PI4KA: variants seen among roughly 807,000 people sequenced by gnomAD.
PI4KA encodes PI4-kinase alpha.
A neutral mutation model predicts 271.4 loss-of-function variants in PI4KA; 122 were observed. That is an observed-to-expected ratio of 0.45 (90% confidence interval 0.39 to 0.52). PI4KA has a LOEUF of 0.52. Ranked by LOEUF, PI4KA falls within the 20% of genes least tolerant of loss-of-function variation. The pLI, the probability that PI4KA is intolerant of heterozygous loss-of-function variation, is 0.00. For missense variants in PI4KA, 1,969 were observed against 2,769.1 expected (o/e 0.71, Z 6.48); for synonymous variants, 1,041 against 1,078.8 (o/e 0.96, Z 0.69).
intron 23 of PI4KA, among the ~76,000 whole-genome samples, chr22:20,757,018 G>C (rs1020180143): frequency 6.6e-6 from 1 of 152,190 alleles, no homozygotes; most frequent in East Asian, 1.9e-4. Context: ...TGACTCACAG[G>C]ATGGTGGGCA....
intron 9 of PI4KA, among the ~76,000 whole-genome samples, chr22:20,810,215 C>T (rs1157184114): frequency 6.6e-6 from 1 of 152,020 alleles, no homozygotes; most frequent in Non-Finnish European, 1.5e-5. Flanking sequence ...ACATTAAAGA[C>T]AAGAGTTCCA....
chr22:20,723,222 G>A (rs762244714), intron 42 of PI4KA, among the ~76,000 whole-genome samples: 9 of 151,456 alleles, frequency 5.9e-5, no homozygotes, highest in East Asian at 2.0e-4. Context: ...GGGTTTCACC[G>A]TGTTAGCCAG....
intron 1 of PI4KA, among the ~76,000 whole-genome samples, chr22:20,851,564 C>T (rs190883004): frequency 3.1e-4 from 47 of 152,260 alleles, no homozygotes; most frequent in Middle Eastern, 3.4e-3. Flanking sequence ...TCTCGAACTC[C>T]TGACCTCAGG....
chr22:20,742,718 T>C lies in PI4KA; in HGVS notation c.3503A>G (p.Asp1168Gly). The change falls in exon 31 of 55, where the codon GAC becomes GGC. Residue 1168 changes from aspartate to glycine, a missense_variant. Asp to Gly is a moderately conservative substitution (Grantham distance 94). Around this residue, in one of 13 missense-constraint regions of PI4KA, gnomAD observed 203 missense variants for 256.8 expected, o/e 0.79. Transcript: ENST00000255882. ...RFSGTTGQMS[D>G]LNKMMVQDLH... ...ATCCTGGACCATCATTTTGTTCAGG[T>C]CAGACATCTGGCCTGTGGTGCCTGA... 1.2e-6 allele frequency: 2 copies of C among 1,613,720 alleles called. No homozygotes were observed. The highest frequency in any genetic ancestry group is 1.7e-5 in the Admixed American group (1 of 60,014).
rs1432559507 is a variant in PI4KA at position 20,727,844 on chromosome 22, A to G, written c.4703T>C (p.Ile1568Thr). 1.2e-6 allele frequency: 2 copies of G among 1,613,968 alleles called. No individual in the cohort carries two copies. The highest frequency in any genetic ancestry group is 1.7e-6 in the Non-Finnish European group (2 of 1,179,878). ...AACGAGACGGGTCACTTCGTTCCCA[A>G]TGGCTTCTGTGTTCTTAAACCTACA... ...LPARFKNTEA[I>T]GNEVTRLVRL... Residue 1568 changes from isoleucine (I) to threonine (T), a missense_variant, in exon 40 of 55, where the codon ATT becomes ACT. Physicochemically the swap from Ile to Thr is moderately conservative, Grantham distance 89. This residue lies in a region of PI4KA where 388 missense variants were observed against 521.5 expected (regional missense o/e 0.74). Coordinates refer to ENST00000255882, the MANE Select transcript of PI4KA (RefSeq NM_058004.4).
intron 19 of PI4KA, among the ~76,000 whole-genome samples, chr22:20,775,948 G>A (rs151037998): frequency 2.6e-5 from 4 of 152,330 alleles, no homozygotes; most frequent in Non-Finnish European, 5.9e-5. Flanking sequence ...TATGTAAAAT[G>A]CTGGGAGGAT....
At chr22:20,723,035 C>CTT (rs201708519) in intron 42 of PI4KA, among the ~76,000 whole-genome samples, 1 of 145,496 alleles carries the variant, frequency 6.9e-6, no homozygotes, top group Non-Finnish European at 1.5e-5. Context: ...TTTACTGTTC[C>CTT]TTTTTTTTTT....
At chr22:20,714,017 T>G (rs1925665218) in intron 47 of PI4KA, among the ~76,000 whole-genome samples, 1 of 151,890 alleles carries the variant, frequency 6.6e-6, no homozygotes, top group Non-Finnish European at 1.5e-5. Context: ...GAGATGGGAG[T>G]GGAGCATCTG....
chr22:20,753,696 CTT>C (rs946618152), intron 23 of PI4KA, among the ~76,000 whole-genome samples: 2 of 151,844 alleles, frequency 1.3e-5, no homozygotes, highest in African/African-American at 4.8e-5. Flanking sequence ...TTTTCTTTCT[CTT>C]TTTTTTGAGA....
At position 20,819,740 on chromosome 22, in the gene PI4KA, G is replaced by C; in HGVS notation, c.690C>G (p.Ser230=). The C allele has an allele frequency of 6.2e-7, 1 of 1,614,082 alleles. No individual in the cohort carries two copies. ...LEELEGVRRR[S]FNDFRSILPS... is the part of the protein sequence containing the mutation. Reference sequence around the variant, plus strand: ...GGAGGATGGAGCGGAAGTCATTAAAGGAACGCCTTCGAACACCTTCAAGCT... The same window carrying C: ...GGAGGATGGAGCGGAAGTCATTAAACGAACGCCTTCGAACACCTTCAAGCT... The change falls in exon 6 of 55, where the codon TCC becomes TCG. Residue 230 remains serine (S), a synonymous_variant. Transcript: ENST00000255882.
chr22:20,743,414 G>A (rs1156829143), intron 30 of PI4KA, among the ~76,000 whole-genome samples: 1 of 152,014 alleles, frequency 6.6e-6, no homozygotes, highest in East Asian at 1.9e-4. Flanking sequence ...TAAGTGCTGG[G>A]ATTACAGGCG....
intron 42 of PI4KA, among the ~76,000 whole-genome samples, chr22:20,722,183 T>TTTTG (rs374559280): frequency 6.6e-6 from 1 of 152,082 alleles, no homozygotes; most frequent in Admixed American, 6.6e-5. Context: ...CGGGAAGTTT[T>TTTTG]TTTGTTTGTT....
intron 1 of PI4KA, among the ~76,000 whole-genome samples, chr22:20,840,769 A>G (rs534148250): frequency 6.6e-6 from 1 of 152,100 alleles, no homozygotes; most frequent in South Asian, 2.1e-4. Context: ...TAATCCCAGC[A>G]CTTTGGAAGG....
intron 18 of PI4KA, among the ~76,000 whole-genome samples, chr22:20,794,213 T>C (rs912758423): frequency 2.0e-5 from 3 of 152,256 alleles, no homozygotes; most frequent in African/African-American, 7.2e-5. Context: ...GGATGCGTGA[T>C]GATGGAGAAC....
rs528119880 is a variant in PI4KA at position 20,838,319 on chromosome 22, A to G, written c.273+296T>C. ...ACCAAACCTACCCTGGAAGGCACAC[A>G]ATTACTTCTCAAAGCATTTTAACTT... On this transcript the variant is annotated intron_variant, in intron 2 of 54. Coordinates refer to ENST00000255882, the MANE Select transcript of PI4KA (RefSeq NM_058004.4). Among the ~76,000 whole-genome samples, 14 of 152,280 alleles carry G rather than the reference A, an allele frequency of 9.2e-5. No individual in the cohort carries two copies. The East Asian group carries it at 1.9e-3, about 21-fold the overall frequency.
chr22:20,817,538 C>G (rs1466897125), intron 7 of PI4KA, among the ~76,000 whole-genome samples: 3 of 151,390 alleles, frequency 2.0e-5, no homozygotes, highest in African/African-American at 7.3e-5. Context: ...AGTTCCGGAC[C>G]AGCCTGGGCA....
In PI4KA at chr22:20,834,574, G is replaced by A. The variant is rs759091754; in HGVS notation, c.355C>T (p.Arg119Trp). 25 of 1,598,402 alleles carry A rather than the reference G, an allele frequency of 1.6e-5. No individual in the cohort carries two copies. The Middle Eastern group carries it at 8.3e-4, about 53-fold the overall frequency. The change falls in exon 3 of 55, where the codon CGG (arginine) becomes TGG (tryptophan). Residue 119 changes from arginine (R) to tryptophan (W), a missense_variant. By Grantham distance (101) the Arg-to-Trp change is moderately radical. Coordinates refer to ENST00000255882, the MANE Select transcript of PI4KA (RefSeq NM_058004.4). ...TATATACAATTACCTCTGCCTTTCC[G>A]AGCTGTGCTTTCTTCTACCCAATAC... Reference protein sequence around the residue: ...KVYWVEESTARKGRGALPVAE... With the variant: ...KVYWVEESTAWKGRGALPVAE...
intron 3 of PI4KA, among the ~76,000 whole-genome samples, chr22:20,826,540 G>A (rs947326487): frequency 6.6e-6 from 1 of 152,128 alleles, no homozygotes; most frequent in Non-Finnish European, 1.5e-5. Context: ...ACAGTAGAAT[G>A]ATTTACATTC....
At chr22:20,818,151 T>C (rs1922093699) in intron 7 of PI4KA, among the ~76,000 whole-genome samples, 1 of 152,058 alleles carries the variant, frequency 6.6e-6, no homozygotes, top group Non-Finnish European at 1.5e-5. Context: ...TATCCACCAT[T>C]AGTACTTCCA....
Sources: gnomAD v4.1 joint callset for allele counts (sites outside exome capture counted in the v4.1 genomes callset) on GRCh38, gnomAD v4.1.1 for gene constraint, gnomAD v4.1.1 regional missense constraint, MANE v1.5 for transcripts, NCBI Gene and HGNC (gene_info 2026-07-23, HGNC 2026-07-21) for gene names.